Variants in RGS7 observed in about 807,000 individuals in gnomAD.
RGS7 encodes regulator of G protein signaling 7, also known as regulator of G-protein signaling 7.
RGS7 carries 27 observed loss-of-function variants against 81.1 expected under a neutral mutation model. The observed-to-expected ratio is 0.33, with a 90% CI of 0.25 to 0.46. RGS7 has a LOEUF of 0.46. Among genes scored for constraint, RGS7 ranks in the 20% least tolerant of loss-of-function variants. RGS7 has a pLI of 1.00. For missense variants in RGS7, 396 were observed against 607.4 expected (o/e 0.65, Z 3.66); for synonymous variants, 208 against 207.7 (o/e 1.00, Z -0.01).
At chr1:240,850,370 C>A (rs1233095569) in intron 9 of RGS7, among the ~76,000 whole-genome samples, 3 of 152,128 alleles carry the variant, frequency 2.0e-5, no homozygotes, top group Non-Finnish European at 2.9e-5. Context: ...GACCTGTGAT[C>A]AGTGATGCTT....
At chr1:241,202,344 G>A (rs921914830) in intron 2 of RGS7, among the ~76,000 whole-genome samples, 2 of 151,964 alleles carry the variant, frequency 1.3e-5, no homozygotes, top group Non-Finnish European at 2.9e-5. Context: ...TCTTTCTGTG[G>A]GGGCCAAGGG....
At chr1:240,969,009 C>T (rs989691198) in intron 4 of RGS7, among the ~76,000 whole-genome samples, 2 of 152,286 alleles carry the variant, frequency 1.3e-5, no homozygotes, top group East Asian at 1.9e-4. Context: ...TCAGACAGCT[C>T]TTACACAACT....
chr1:241,291,558 G>A (rs2079085893), intron 2 of RGS7, among the ~76,000 whole-genome samples: 1 of 130,686 alleles, frequency 7.7e-6, no homozygotes, highest in Non-Finnish European at 1.6e-5. Flanking sequence ...TTCTGGCTCA[G>A]AGAATTCCCA....
rs12116847 is a variant in RGS7 at position 241,040,933 on chromosome 1, C to T, written c.175+57733G>A. The stretch of plus-strand genomic sequence containing the variant: ...TCCCTGGGAACATGCACGTGCAACT[C>T]CCTCTCATGTAAAAATTGCCATATT... On this transcript the variant is annotated intron_variant, in intron 3 of 18. Transcript: ENST00000440928. Among the ~76,000 whole-genome samples the T allele has an allele frequency of 5.5e-3, 841 of 152,298 alleles. 4 individuals carry two copies. Among genetic ancestry groups the T allele is most frequent in the Admixed American group, 9.1e-3 (140 of 15,302 alleles).
chr1:241,003,884 G>A (rs2058551391), intron 3 of RGS7, among the ~76,000 whole-genome samples: 1 of 152,172 alleles, frequency 6.6e-6, no homozygotes, highest in Non-Finnish European at 1.5e-5. Context: ...AAGTAGCTGG[G>A]ATTACAGGCA....
At chr1:241,182,151 C>T (rs947244562) in intron 2 of RGS7, among the ~76,000 whole-genome samples, 2 of 152,124 alleles carry the variant, frequency 1.3e-5, no homozygotes, top group Non-Finnish European at 2.9e-5. Flanking sequence ...TTGACTAAGT[C>T]CATTCACGTC....
chr1:241,324,043 G>T lies in RGS7; in HGVS notation c.78+31656C>A, dbSNP rs533473048. On this transcript the variant is annotated intron_variant, in intron 2 of 18. Transcript: ENST00000440928. ...GGATATAATAGCAATGCCTCAAAGG[G>T]TTGTTATGAGAAATGCGTGAGATGA... 5.3e-5 allele frequency among the ~76,000 whole-genome samples: 8 copies of T among 152,262 alleles called. No individual in the cohort carries two copies. In the South Asian group the frequency reaches 1.4e-3, roughly 28 times the overall value.
intron 3 of RGS7, among the ~76,000 whole-genome samples, chr1:241,009,359 G>A (rs548560451): frequency 6.6e-6 from 1 of 152,242 alleles, no homozygotes; most frequent in South Asian, 2.1e-4. Context: ...CCATTCCTTT[G>A]GAATCTGGGT....
chr1:240,793,605 A>ATT (rs869198789), intron 18 of RGS7, among the ~76,000 whole-genome samples: 30 of 32,870 alleles, frequency 9.1e-4, no homozygotes, highest in African/African-American at 2.0e-3. Context: ...ATATATATAT[A>ATT]TATATATTTT....
chr1:240,984,789 T>C (rs544147083), intron 3 of RGS7, among the ~76,000 whole-genome samples: 26 of 152,324 alleles, frequency 1.7e-4, no homozygotes, highest in African/African-American at 6.0e-4. Context: ...AAAATAATTC[T>C]AGCTGCTTGA....
intron 2 of RGS7, among the ~76,000 whole-genome samples, chr1:241,310,983 T>A (rs185104234): frequency 6.6e-6 from 1 of 152,176 alleles, no homozygotes; most frequent in Non-Finnish European, 1.5e-5. Flanking sequence ...GAGGACTGGA[T>A]CTGACTATGG....
chr1:241,096,979 G>A (rs745543489), intron 3 of RGS7, among the ~76,000 whole-genome samples: 1 of 152,062 alleles, frequency 6.6e-6, no homozygotes, highest in South Asian at 2.1e-4. Flanking sequence ...ATATATATAT[G>A]AGTAACATTT....
At chr1:241,137,839 C>G (rs1337743355) in intron 2 of RGS7, among the ~76,000 whole-genome samples, 6 of 152,114 alleles carry the variant, frequency 3.9e-5, no homozygotes, top group Non-Finnish European at 8.8e-5. Context: ...ACTTGAAGGC[C>G]TTCATGTGAA....
chr1:241,267,272 G>T (rs1485203941), intron 2 of RGS7, among the ~76,000 whole-genome samples: 1 of 152,192 alleles, frequency 6.6e-6, no homozygotes, highest in Non-Finnish European at 1.5e-5. Flanking sequence ...GGAGGGGTCT[G>T]AGTAAGTGTA....
chr1:241,013,338 C>T (rs2059067220), intron 3 of RGS7, among the ~76,000 whole-genome samples: 1 of 152,120 alleles, frequency 6.6e-6, no homozygotes, highest in African/African-American at 2.4e-5. Context: ...GCTGGGATTA[C>T]AGGCATGAGC....
At chr1:241,259,300 A>T (rs2077191706) in intron 2 of RGS7, among the ~76,000 whole-genome samples, 1 of 152,100 alleles carries the variant, frequency 6.6e-6, no homozygotes, top group African/African-American at 2.4e-5. Context: ...GGTGTGGCAT[A>T]TAAAGGTATG....
chr1:241,303,359 C>G (rs770745698), intron 2 of RGS7, among the ~76,000 whole-genome samples: 1 of 152,290 alleles, frequency 6.6e-6, no homozygotes, highest in East Asian at 1.9e-4. Flanking sequence ...TCCCCTTCGG[C>G]CATGATTGTA....
chr1:240,909,878 C>T (rs1168704928), intron 6 of RGS7, among the ~76,000 whole-genome samples: 1 of 152,156 alleles, frequency 6.6e-6, no homozygotes, highest in Non-Finnish European at 1.5e-5. Flanking sequence ...CTTATCAGTG[C>T]AGCCACCTGT....
At chr1:241,062,218 T>A (rs2061778090) in intron 3 of RGS7, among the ~76,000 whole-genome samples, 1 of 152,170 alleles carries the variant, frequency 6.6e-6, no homozygotes, top group African/African-American at 2.4e-5. Flanking sequence ...TATTTATCCA[T>A]TAAAAACAGG....
Sources: allele counts gnomAD v4.1 joint callset (sites outside exome capture counted in the v4.1 genomes callset), GRCh38; gene constraint gnomAD v4.1.1; transcripts MANE v1.5; gene names NCBI Gene and HGNC (gene_info 2026-07-23, HGNC 2026-07-21).